Variants in PPARGC1A observed in about 807,000 individuals in gnomAD.
The protein encoded by PPARGC1A is PPARG coactivator 1 alpha.
In PPARGC1A, 25 loss-of-function variants were observed where a neutral mutation model predicts 88.7. The observed-to-expected ratio is 0.28, with a 90% CI of 0.21 to 0.39. PPARGC1A has a LOEUF of 0.39. PPARGC1A is among the 10% of genes least tolerant of loss of function. The pLI is 1.00. For missense variants in PPARGC1A, 880 were observed against 968.7 expected (o/e 0.91, Z 1.22); for synonymous variants, 363 against 355.6 (o/e 1.02, Z -0.24).
intron 2 of PPARGC1A, among the ~76,000 whole-genome samples, chr4:23,844,852 T>TATAATATATGATATATATTATA (rs1560429780): frequency 3.0e-5 from 2 of 67,652 alleles, no homozygotes; most frequent in Non-Finnish European, 6.9e-5. Flanking sequence ...TATATATTAT[T>TATAATATATGATATATATTATA]ATAATATATG....
the PPARGC1A span, among the ~76,000 whole-genome samples, chr4:24,032,584 A>C: frequency 6.6e-6 from 1 of 152,250 alleles, no homozygotes; most frequent in South Asian, 2.1e-4. Flanking sequence ...GACAGCCTTC[A>C]GCAGCTGATG....
chr4:24,437,330 G>A, the PPARGC1A span, among the ~76,000 whole-genome samples: 489 of 152,312 alleles, frequency 3.2e-3, 3 homozygotes, highest in African/African-American at 0.011. Context: ...GTTAGCTGGG[G>A]TGGTCAGGGA....
chr4:24,243,143 C>G, the PPARGC1A span, among the ~76,000 whole-genome samples: 1 of 152,144 alleles, frequency 6.6e-6, no homozygotes, highest in Non-Finnish European at 1.5e-5. Flanking sequence ...CCTGGTTCAC[C>G]AGAACTGCTC....
At chr4:24,030,363 G>A in the PPARGC1A span, among the ~76,000 whole-genome samples, 9 of 152,238 alleles carry the variant, frequency 5.9e-5, no homozygotes, top group East Asian at 9.7e-4. Flanking sequence ...CATTGGGGGC[G>A]TCATTTATAA....
chr4:24,273,668 C>A, the PPARGC1A span, among the ~76,000 whole-genome samples: 1 of 151,874 alleles, frequency 6.6e-6, no homozygotes, highest in East Asian at 1.9e-4. Context: ...GCCCAAGGCA[C>A]CTTCCAATAG....
chr4:24,068,174 A>G, the PPARGC1A span, among the ~76,000 whole-genome samples: 1 of 146,712 alleles, frequency 6.8e-6, no homozygotes, highest in Non-Finnish European at 1.5e-5. Context: ...AGAGGAATAA[A>G]GAGGAAATTG....
the PPARGC1A span, among the ~76,000 whole-genome samples, chr4:24,203,640 TA>T: frequency 6.6e-6 from 1 of 152,236 alleles, no homozygotes; most frequent in Non-Finnish European, 1.5e-5. Flanking sequence ...TGCAAAGGCA[TA>T]AAACGTCTTT....
the PPARGC1A span, among the ~76,000 whole-genome samples, chr4:23,914,011 T>G: frequency 2.0e-5 from 3 of 152,238 alleles, no homozygotes; most frequent in Non-Finnish European, 4.4e-5. Context: ...TGTTATGTAC[T>G]GGAGTAAAGC....
the PPARGC1A span, among the ~76,000 whole-genome samples, chr4:24,147,927 G>A: frequency 1.3e-5 from 2 of 152,190 alleles, no homozygotes; most frequent in African/African-American, 2.4e-5. Context: ...TTGGGCTACA[G>A]AGTGAGACTC....
At chr4:24,418,227 G>C in the PPARGC1A span, among the ~76,000 whole-genome samples, 1 of 152,066 alleles carries the variant, frequency 6.6e-6, no homozygotes, top group Non-Finnish European at 1.5e-5. Flanking sequence ...CCACCCCATA[G>C]AACTTGGCGT....
At chr4:24,273,099 A>G in the PPARGC1A span, among the ~76,000 whole-genome samples, 1 of 152,326 alleles carries the variant, frequency 6.6e-6, no homozygotes, top group East Asian at 1.9e-4. Flanking sequence ...TTACAATGGC[A>G]TCTCTTGCAT....
chr4:24,293,979 T>G, the PPARGC1A span, among the ~76,000 whole-genome samples: 41 of 152,316 alleles, frequency 2.7e-4, no homozygotes, highest in South Asian at 4.1e-4. Context: ...TTAATTTATA[T>G]AAAACTTTTG....
chr4:23,841,318 C>A (rs1727016076), intron 2 of PPARGC1A, among the ~76,000 whole-genome samples: 1 of 152,072 alleles, frequency 6.6e-6, no homozygotes, highest in Non-Finnish European at 1.5e-5. Flanking sequence ...CCATATAACA[C>A]ACTCATCTTC....
At chr4:24,060,249 G>A in the PPARGC1A span, among the ~76,000 whole-genome samples, 1 of 152,260 alleles carries the variant, frequency 6.6e-6, no homozygotes, top group Middle Eastern at 3.4e-3. Flanking sequence ...TGCTGGTTGT[G>A]TTTACTGCCA....
At chr4:24,397,468 T>C in the PPARGC1A span, among the ~76,000 whole-genome samples, 7 of 152,296 alleles carry the variant, frequency 4.6e-5, 1 homozygote, top group East Asian at 9.6e-4. Context: ...CATTTTCTAG[T>C]CTCTCTTGTA....
At chr4:24,009,442 A>T in the PPARGC1A span, among the ~76,000 whole-genome samples, 1 of 152,330 alleles carries the variant, frequency 6.6e-6, no homozygotes, top group East Asian at 1.9e-4. Flanking sequence ...ACATTAAAAT[A>T]ATATAGCCCT....
chr4:24,346,114 G>A, the PPARGC1A span, among the ~76,000 whole-genome samples: 18 of 151,986 alleles, frequency 1.2e-4, no homozygotes, highest in African/African-American at 3.6e-4. Context: ...CCATCCCTGC[G>A]TCCCTGGTAT....
the PPARGC1A span, among the ~76,000 whole-genome samples, chr4:24,168,272 G>T: frequency 6.6e-6 from 1 of 152,076 alleles, no homozygotes; most frequent in African/African-American, 2.4e-5. Flanking sequence ...GGAAATTGAG[G>T]CTCACAGGTG....
upstream of PPARGC1A, among the ~76,000 whole-genome samples, chr4:23,901,198 T>C (rs1719303562): frequency 6.6e-6 from 1 of 151,912 alleles, no homozygotes; most frequent in Non-Finnish European, 1.5e-5. Flanking sequence ...AAACCCCATC[T>C]CTACTAAAAG....
Sources: gnomAD v4.1 joint callset for allele counts (sites outside exome capture counted in the v4.1 genomes callset) on GRCh38, gnomAD v4.1.1 for gene constraint, MANE v1.5 for transcripts, NCBI Gene and HGNC (gene_info 2026-07-23, HGNC 2026-07-21) for gene names.